The following EXOSC10 variants were observed in gnomAD, a reference collection of about 807,000 sequenced individuals.
EXOSC10 encodes exosome complex component 10.
Under a neutral mutation model 126.6 loss-of-function variants are expected in EXOSC10, and 94 were observed. That is an observed-to-expected ratio of 0.74 (90% confidence interval 0.63 to 0.88). The LOEUF (loss-of-function observed/expected upper bound fraction) is 0.88, where lower values mean the gene tolerates loss of function less well. Ranked by LOEUF, EXOSC10 falls within the 40% of genes least tolerant of loss-of-function variation. The pLI, the probability that EXOSC10 is intolerant of heterozygous loss-of-function variation, is 0.00. For missense variants in EXOSC10, 1,041 were observed against 1,100.5 expected (o/e 0.95, Z 0.77); for synonymous variants, 395 against 400.8 (o/e 0.99, Z 0.17).
chr1:11,068,098 A>G lies in EXOSC10; in HGVS notation c.2551-14T>C, dbSNP rs1475355798. ...TGCAATGCATTTCTGAAAAGAAAAG[A>G]AACCGTTTAAGCTGGGTGGGCACCT... On this transcript the variant is annotated splice_polypyrimidine_tract_variant and intron_variant, in intron 23 of 24. Coordinates refer to ENST00000376936, the MANE Select transcript of EXOSC10 (RefSeq NM_001001998.3). The G allele has an allele frequency of 6.2e-7, 1 of 1,613,380 alleles. No individual in the cohort carries two copies. The highest frequency in any genetic ancestry group is 1.3e-5 in the African/African-American group (1 of 75,046).
In EXOSC10 at chr1:11,082,728, C is replaced by T. The variant is rs1226660995; in HGVS notation, c.1240G>A (p.Asp414Asn). The T allele has an allele frequency of 9.3e-6, 15 of 1,614,186 alleles. No homozygotes were observed. The highest frequency in any genetic ancestry group is 1.1e-5 in the Non-Finnish European group (13 of 1,180,030). ...DHLLKLYCNV[D>N]SNKQYQLADW... ...GCCAGCTGATATTGCTTGTTTGAGTCCACGTTGCAGTAGAGTTTCAGGAGA... is the reference window on the plus strand; with the variant it reads ...GCCAGCTGATATTGCTTGTTTGAGTTCACGTTGCAGTAGAGTTTCAGGAGA... The change falls in exon 10 of 25, where the codon GAC (aspartate) becomes AAC (asparagine). Residue 414 changes from aspartate to asparagine, a missense_variant. By Grantham distance (23) the Asp-to-Asn change is conservative. Coordinates refer to ENST00000376936, the MANE Select transcript of EXOSC10 (RefSeq NM_001001998.3).
chr1:11,095,131 G>A (rs962922641), intron 3 of EXOSC10, among the ~76,000 whole-genome samples: 1 of 150,216 alleles, frequency 6.7e-6, no homozygotes, highest in African/African-American at 2.5e-5. Flanking sequence ...AGAATCGCTT[G>A]AACCTGGGAG....
intron 19 of EXOSC10, 138 bp from the exon 20 acceptor site, chr1:11,072,309 G>T: frequency 1.6e-6 from 1 of 621,132 alleles, no homozygotes; most frequent in East Asian, 2.7e-5. Flanking sequence ...CAAATCTAAG[G>T]GCATGAAAAA....
intron 9 of EXOSC10, among the ~76,000 whole-genome samples, chr1:11,087,112 C>T (rs573607698): frequency 1.3e-4 from 20 of 152,274 alleles, no homozygotes; most frequent in South Asian, 1.0e-3. Flanking sequence ...TGATTCCATA[C>T]GCTTGAAGTC....
At chr1:11,076,169 A>G (rs1639805667) in intron 17 of EXOSC10, among the ~76,000 whole-genome samples, 3 of 151,788 alleles carry the variant, frequency 2.0e-5, no homozygotes, top group Admixed American at 6.6e-5. Context: ...CCATCTCAAA[A>G]AACCAAACCA....
intron 1 of EXOSC10, 68 bp downstream of exon 1, chr1:11,099,647 GCTGCCC>G: frequency 5.7e-6 from 8 of 1,415,368 alleles, no homozygotes; most frequent in Non-Finnish European, 6.5e-6. Context: ...GCGGGCATTG[GCTGCCC>G]AGAGGGCCCA....
intron 6 of EXOSC10, among the ~76,000 whole-genome samples, chr1:11,089,874 G>GT (rs1419988061): frequency 1.3e-5 from 2 of 152,236 alleles, no homozygotes; most frequent in Middle Eastern, 3.4e-3. Flanking sequence ...AGCCCAGGAG[G>GT]TAAAGGCTGT....
intron 14 of EXOSC10, among the ~76,000 whole-genome samples, chr1:11,079,396 CTTTT>C (rs553168628): frequency 1.5e-5 from 2 of 131,574 alleles, no homozygotes; most frequent in Non-Finnish European, 1.6e-5. Flanking sequence ...AGTAGAAAAT[CTTTT>C]TTTTTTTTTT....
rs1639333512 is a variant in EXOSC10, at chr1:11,069,561, G to A, written c.2486C>T (p.Ala829Val). The part of the protein sequence containing the change: ...DYSQSDFKAF[A>V]GNSKSKVSSQ... ...ATGGGGCCCCATTACTTCCTCACCA[G>A]CAAAAGCCTTGAAGTCTGACTGGCT... Residue 829 changes from alanine (A) to valine (V), a missense_variant and splice_region_variant, in exon 22 of 25, where the codon GCT becomes GTT. Physicochemically the swap from Ala to Val is moderately conservative, Grantham distance 64. Around this residue, in one of 3 missense-constraint regions of EXOSC10, gnomAD observed 388 missense variants for 415.2 expected, o/e 0.93. Coordinates refer to ENST00000376936, the MANE Select transcript of EXOSC10 (RefSeq NM_001001998.3). 2 of 1,612,120 alleles carry A rather than the reference G, an allele frequency of 1.2e-6. No individual in the cohort carries two copies. Among genetic ancestry groups the A allele is most frequent in the South Asian group, 1.1e-5 (1 of 90,754 alleles).
intron 2 of EXOSC10, among the ~76,000 whole-genome samples, chr1:11,097,697 G>C (rs1641190335): frequency 6.6e-6 from 1 of 151,958 alleles, no homozygotes; most frequent in Admixed American, 6.6e-5. Context: ...CCGCACTCCA[G>C]CCTGGGCAAT....
intron 19 of EXOSC10, 73 bp from the exon 20 acceptor site, chr1:11,072,244 G>T: frequency 9.4e-7 from 1 of 1,062,980 alleles, no homozygotes; most frequent in Non-Finnish European, 1.4e-6. Context: ...CTTTTCATGA[G>T]GTGACGAAGG....
rs1304485074 is a variant in EXOSC10 at position 11,079,732 on chromosome 1, G to A, written c.1728C>T (p.Ala576=). The A allele has an allele frequency of 6.2e-7, 1 of 1,613,624 alleles. No individual in the cohort carries two copies. The highest frequency in any genetic ancestry group is 2.2e-5 in the East Asian group (1 of 44,856). Residue 576 remains alanine (A), a synonymous_variant, in exon 14 of 25, where the codon GCC becomes GCT. Transcript: ENST00000376936. ...INEMHLLIQQ[A]REMPLLKSEV... ...TTACCTTGAGCAGGGGCATCTCTCG[G>A]GCCTGCTGGATTAAAAGGTGCATTT...
chr1:11,082,688 C>G lies in EXOSC10; in HGVS notation c.1280G>C (p.Arg427Pro), dbSNP rs140464927. 1 of 1,613,892 alleles carries G rather than the reference C, an allele frequency of 6.2e-7. No individual in the cohort carries two copies. The highest frequency in any genetic ancestry group is 8.5e-7 in the Non-Finnish European group (1 of 1,179,928). The change falls in exon 10 of 25, where the codon CGC becomes CCC. Residue 427 changes from arginine to proline, a missense_variant and splice_region_variant. Arg to Pro is a moderately radical substitution (Grantham distance 103). Transcript: ENST00000376936. ...KQYQLADWRI[R>P]PLPEEMLSYA... ...ATTTCCTCAGTAAGAGCAAACTGAC[C>G]GTATTCTCCAATCAGCCAGCTGATA...
intron 10 of EXOSC10, 63 bp from the exon 11 acceptor site, chr1:11,081,301 T>C: frequency 6.3e-7 from 1 of 1,585,964 alleles, no homozygotes; most frequent in East Asian, 2.2e-5. Context: ...AATTTGTCTA[T>C]TCCTTGGGTG....
Position 11,068,794 on chromosome 1 carries a change from C to T in EXOSC10, c.2489-88G>A, listed in dbSNP as rs536415108. The T allele has an allele frequency of 1.0e-3, 1,098 of 1,053,542 alleles. 5 individuals are homozygous for T. Among genetic ancestry groups the T allele is most frequent in the South Asian group, 3.3e-3 (261 of 79,350 alleles). 65.3% of individuals were successfully genotyped at this position (1,053,542 alleles called of 1,614,324 possible). On this transcript the variant is annotated intron_variant, in intron 22 of 24. Transcript: ENST00000376936. Reference sequence around the variant, plus strand: ...TCACAGCGAGGCCGGGACCATGACACTCAGGGAAGCCTTGGCTGTGAGAGC... The same window carrying T: ...TCACAGCGAGGCCGGGACCATGACATTCAGGGAAGCCTTGGCTGTGAGAGC...
Position 11,070,968 on chromosome 1 carries a change from G to A in EXOSC10, c.2248C>T (p.Arg750Trp), listed in dbSNP as rs201491928. 35 of 1,613,676 alleles carry A rather than the reference G, an allele frequency of 2.2e-5. No individual in the cohort carries two copies. In the Middle Eastern group the frequency reaches 5.0e-4, roughly 23 times the overall value. The change falls in exon 21 of 25, where the codon CGG becomes TGG. Residue 750 changes from arginine to tryptophan, a missense_variant. This residue lies in a region of EXOSC10 where 388 missense variants were observed against 415.2 expected (regional missense o/e 0.93). Transcript: ENST00000376936. ...KKKAAEQTAAREQAKEACKAA... is the reference protein window; with the variant it reads ...KKKAAEQTAAWEQAKEACKAA... ...TTGCACGCCTCCTTTGCCTGTTCCC[G>A]GGCAGCTGCAAGGGAGAGAACTTGT... is the stretch of plus-strand genomic sequence containing the variant.
rs371121123 is a variant in EXOSC10, at chr1:11,081,869, G to A, written c.1281-631C>T. On this transcript the variant is annotated intron_variant, in intron 10 of 24. Coordinates refer to ENST00000376936, the MANE Select transcript of EXOSC10 (RefSeq NM_001001998.3). ...AGGCGGAGGCGGGAGGATCACCTGA[G>A]GTCAGGAGTTTGAGACCAGTCTGAC... Among the ~76,000 whole-genome samples the A allele has an allele frequency of 5.9e-5, 9 of 152,184 alleles. No individual in the cohort carries two copies. The East Asian group carries it at 1.5e-3, about 26-fold the overall frequency.
At chr1:11,094,498 G>A (rs1486485484) in intron 3 of EXOSC10, among the ~76,000 whole-genome samples, 1 of 150,900 alleles carries the variant, frequency 6.6e-6, no homozygotes, top group Non-Finnish European at 1.5e-5. Context: ...GTTTTACCAT[G>A]TCCGCCAGGC....
At chr1:11,073,394 A>G (rs1237383742) in intron 19 of EXOSC10, among the ~76,000 whole-genome samples, 1 of 152,148 alleles carries the variant, frequency 6.6e-6, no homozygotes, top group Non-Finnish European at 1.5e-5. Flanking sequence ...GGCCTCTCAA[A>G]GTGCTGGGAT....
Sources: allele counts gnomAD v4.1 joint callset (sites outside exome capture counted in the v4.1 genomes callset), GRCh38; gene constraint gnomAD v4.1.1; regional missense constraint gnomAD v4.1.1; transcripts MANE v1.5; gene names NCBI Gene and HGNC (gene_info 2026-07-23, HGNC 2026-07-21).